The following NRXN3 variants were observed in gnomAD, a reference collection of about 807,000 sequenced individuals.
NRXN3 encodes neurexin 3.
In NRXN3, 32 loss-of-function variants were observed where a neutral mutation model predicts 137.6. The observed-to-expected ratio is 0.23, with a 90% CI of 0.18 to 0.31. The LOEUF is 0.31. Among genes scored for constraint, NRXN3 ranks in the 10% least tolerant of loss-of-function variants. The probability of loss-of-function intolerance (pLI) is 1.00; values close to 1 mark genes in which losing one functional copy is unlikely to be tolerated. For synonymous variants in NRXN3, 798 were observed against 784.5 expected (o/e 1.02, Z -0.29); for missense variants, 1,574 against 2,062.5 (o/e 0.76, Z 4.59).
At chr14:79,489,866 C>T (rs1245298483) in intron 16 of NRXN3, among the ~76,000 whole-genome samples, 3 of 151,574 alleles carry the variant, frequency 2.0e-5, no homozygotes, top group African/African-American at 7.3e-5. Flanking sequence ...GTTGAAACTC[C>T]ACCTCTACTA....
chr14:79,750,232 T>C (rs1296859439), intron 19 of NRXN3, among the ~76,000 whole-genome samples: 7 of 152,154 alleles, frequency 4.6e-5, no homozygotes, highest in Non-Finnish European at 7.4e-5. Flanking sequence ...AAAGCCTGTA[T>C]AGTGGTGAGT....
intron 16 of NRXN3, among the ~76,000 whole-genome samples, chr14:79,475,663 T>A (rs551674563): frequency 7.7e-4 from 117 of 152,250 alleles, no homozygotes; most frequent in African/African-American, 2.8e-3. Flanking sequence ...TAGTGAGCTT[T>A]CAATCATGGA....
chr14:78,258,436 G>A (rs2070061580), intron 2 of NRXN3, among the ~76,000 whole-genome samples: 1 of 151,714 alleles, frequency 6.6e-6, no homozygotes, highest in Non-Finnish European at 1.5e-5. Flanking sequence ...GTTGGCATTG[G>A]CGGGGGGAGG....
At chr14:78,753,326 G>A (rs887858867) in intron 8 of NRXN3, among the ~76,000 whole-genome samples, 1 of 152,152 alleles carries the variant, frequency 6.6e-6, no homozygotes, top group Non-Finnish European at 1.5e-5. Context: ...GTTAGCGGCT[G>A]GGTGACTTGT....
At chr14:78,943,888 G>A (rs1487109615) in intron 10 of NRXN3, among the ~76,000 whole-genome samples, 1 of 151,502 alleles carries the variant, frequency 6.6e-6, no homozygotes, top group Non-Finnish European at 1.5e-5. Context: ...CCTCCAATCT[G>A]GTTGGGGATA....
chr14:79,239,698 A>C (rs2073968696), intron 15 of NRXN3, among the ~76,000 whole-genome samples: 1 of 152,158 alleles, frequency 6.6e-6, no homozygotes, highest in Non-Finnish European at 1.5e-5. Flanking sequence ...TGATATCTGC[A>C]CTCTCATGTT....
intron 1 of NRXN3, among the ~76,000 whole-genome samples, chr14:78,172,450 G>A (rs2058813934): frequency 6.6e-6 from 1 of 152,110 alleles, no homozygotes; most frequent in African/African-American, 2.4e-5. Flanking sequence ...GGGAGTGAGA[G>A]GAGGCAAGGC....
chr14:78,417,757 G>A (rs551366427), intron 4 of NRXN3, among the ~76,000 whole-genome samples: 2 of 152,164 alleles, frequency 1.3e-5, no homozygotes, highest in East Asian at 3.9e-4. Flanking sequence ...CTGTTTTGAG[G>A]TTACACATTT....
intron 4 of NRXN3, chr14:78,602,599 C>G (rs1393164472): frequency 6.6e-6 from 1 of 152,202 alleles, no homozygotes; most frequent in Non-Finnish European, 1.5e-5. Flanking sequence ...CAGACAACTC[C>G]AAGACCTCTC....
chr14:78,979,378 A>G (rs2153040921), intron 14 of NRXN3, among the ~76,000 whole-genome samples: 1 of 152,194 alleles, frequency 6.6e-6, no homozygotes, highest in East Asian at 1.9e-4. Context: ...ATCCATTTGC[A>G]TTTTCAAAAA....
intron 15 of NRXN3, among the ~76,000 whole-genome samples, chr14:79,094,969 A>AGTGT (rs1234872548): frequency 5.0e-5 from 5 of 99,336 alleles, no homozygotes; most frequent in African/African-American, 1.7e-4. Context: ...AGAGAGAGAG[A>AGTGT]GAGAGAGAGA....
chr14:78,744,928 C>T (rs970234442), intron 8 of NRXN3: 2 of 152,176 alleles, frequency 1.3e-5, no homozygotes, highest in South Asian at 4.2e-4. Flanking sequence ...GGACAGCAAC[C>T]TTGCAGAGTC....
chr14:79,563,696 AC>A (rs2097523741), intron 16 of NRXN3, among the ~76,000 whole-genome samples: 1 of 151,032 alleles, frequency 6.6e-6, no homozygotes, highest in Non-Finnish European at 1.5e-5. Context: ...AGCATGATAA[AC>A]CTTTTTTCCT....
intron 15 of NRXN3, among the ~76,000 whole-genome samples, chr14:79,274,657 C>A (rs1382932717): frequency 1.3e-5 from 2 of 152,022 alleles, no homozygotes; most frequent in African/African-American, 2.4e-5. Flanking sequence ...AAAATAACTT[C>A]ATTTGGAGTT....
intron 19 of NRXN3, among the ~76,000 whole-genome samples, chr14:79,802,295 G>T (rs2099184901): frequency 6.6e-6 from 1 of 152,114 alleles, no homozygotes; most frequent in Admixed American, 6.5e-5. Flanking sequence ...GTCCTACCGG[G>T]CCATTCTGCA....
At chr14:78,303,186 T>A (rs1315267635) in intron 4 of NRXN3, among the ~76,000 whole-genome samples, 1 of 152,192 alleles carries the variant, frequency 6.6e-6, no homozygotes, top group Non-Finnish European at 1.5e-5. Flanking sequence ...TTCTCTACCT[T>A]TTAATAGTCC....
chr14:78,625,213 C>A (rs896053023), intron 4 of NRXN3, among the ~76,000 whole-genome samples: 1 of 152,140 alleles, frequency 6.6e-6, no homozygotes, highest in African/African-American at 2.4e-5. Flanking sequence ...ATGAAGAATA[C>A]ATTTTTTTAA....
Position 78,529,281 on chromosome 14 carries a change from A to G in NRXN3, c.758-115839A>G, listed in dbSNP as rs1350551955. 7.2e-5 allele frequency among the ~76,000 whole-genome samples: 11 copies of G among 152,180 alleles called. 1 individual carries two copies. The highest frequency in any genetic ancestry group is 1.6e-4 in the Non-Finnish European group (11 of 68,032). ...ATTCGGTTCAAAGAAGAATTACTTG[A>G]CAATGTGGGAAGTGAGGTGCTACAT... On this transcript the variant is annotated intron_variant, in intron 4 of 20. Transcript: ENST00000335750.
intron 4 of NRXN3, among the ~76,000 whole-genome samples, chr14:78,439,401 G>A (rs1242032983): frequency 6.6e-6 from 1 of 152,220 alleles, no homozygotes; most frequent in African/African-American, 2.4e-5. Context: ...ACAGCACATT[G>A]AGCATCTGCA....
Sources: allele counts gnomAD v4.1 joint callset (sites outside exome capture counted in the v4.1 genomes callset), GRCh38; gene constraint gnomAD v4.1.1; transcripts MANE v1.5; gene names NCBI Gene and HGNC (gene_info 2026-07-23, HGNC 2026-07-21).